The following MFSD11 variants were observed in gnomAD, a reference collection of about 807,000 sequenced individuals.
The protein encoded by MFSD11 is major facilitator superfamily domain containing 11.
In MFSD11, 36 loss-of-function variants were observed where a neutral mutation model predicts 53.5. The ratio of observed to expected loss-of-function variants is 0.67; its 90% CI spans 0.52 to 0.89. The LOEUF is 0.89. MFSD11 is among the 40% of genes least tolerant of loss of function. The probability of loss-of-function intolerance (pLI) is 0.00; values close to 1 mark genes in which losing one functional copy is unlikely to be tolerated. For missense variants in MFSD11, 530 were observed against 543.9 expected (o/e 0.97, Z 0.25); for synonymous variants, 186 against 184.9 (o/e 1.01, Z -0.05).
chr17:76,792,778 T>C, the MFSD11 span, among the ~76,000 whole-genome samples: 4 of 151,444 alleles, frequency 2.6e-5, no homozygotes, highest in Non-Finnish European at 5.9e-5. Context: ...AGTGGAAGAT[T>C]ATCAGGGAAC....
chr17:76,737,298 G>T (rs535772387), upstream of MFSD11: 78 of 1,214,374 alleles, frequency 6.4e-5, no homozygotes, highest in African/African-American at 9.0e-4. Context: ...CAGCACGGAC[G>T]GGCTCCGCAG....
intron 10 of MFSD11, 93 bp from the exon 11 acceptor site, chr17:76,774,904 A>G (rs563091474): frequency 1.0e-5 from 13 of 1,270,060 alleles, no homozygotes; most frequent in Non-Finnish European, 1.4e-5. Flanking sequence ...AACAAGTGAG[A>G]ATGTTTATTC....
intron 12 of MFSD11, 55 bp from the exon 13 acceptor site, chr17:76,778,131 CTG>C: frequency 2.5e-6 from 4 of 1,592,376 alleles, no homozygotes; most frequent in Non-Finnish European, 3.4e-6. Context: ...TAGGGGCTAA[CTG>C]TGGCTCAGTG....
chr17:76,742,467 A>G (rs2078181990), intron 5 of MFSD11, among the ~76,000 whole-genome samples, 194 bp downstream of exon 5: 1 of 151,876 alleles, frequency 6.6e-6, no homozygotes, highest in South Asian at 2.1e-4. Context: ...GCTACTCAGG[A>G]CTATTTATAC....
At position 76,740,652 on chromosome 17, in the gene MFSD11, A is replaced by G. The variant is rs552971667; in HGVS notation, c.153-305A>G. ...ACAATATCTTTCTCCTAGTGCTGTT[A>G]GGATTAGAAGAGAAAATCTGTATAA... On this transcript the variant is annotated intron_variant, in intron 2 of 12. Transcript: ENST00000685175. Among the ~76,000 whole-genome samples, 124 of 152,312 alleles carry G rather than the reference A, an allele frequency of 8.1e-4. 1 individual carries two copies. The highest frequency in any genetic ancestry group is 1.1e-3 in the Non-Finnish European group (77 of 68,034).
chr17:76,737,065 G>A (rs372496093), upstream of MFSD11: 44 of 1,613,162 alleles, frequency 2.7e-5, no homozygotes, highest in African/African-American at 4.4e-4. Context: ...TCTCGAAGAC[G>A]CGCCTCAGCG....
At chr17:76,787,192 G>A in the MFSD11 span, among the ~76,000 whole-genome samples, 1 of 150,564 alleles carries the variant, frequency 6.6e-6, no homozygotes, top group Non-Finnish European at 1.5e-5. Context: ...CTGGAGTGCG[G>A]TGGTGTGATC....
chr17:76,738,131 A>T lies in MFSD11; in HGVS notation c.-222A>T. 1 of 565,710 alleles carries T rather than the reference A, an allele frequency of 1.8e-6. No individual in the cohort carries two copies. The highest frequency in any genetic ancestry group is 3.4e-5 in the Admixed American group (1 of 29,632). 35.0% of individuals were successfully genotyped at this position (565,710 alleles called of 1,614,324 possible). A position where few individuals can be genotyped will look rare whatever the true frequency, so the allele number is the denominator to read the frequency against. Reference sequence around the variant, plus strand: ...TTCTCCGGGGGTTGTGCTCTTCCGTACTCGGATCGCTTCTTAGGAGTATCC... The same window carrying T: ...TTCTCCGGGGGTTGTGCTCTTCCGTTCTCGGATCGCTTCTTAGGAGTATCC... On this transcript the variant is annotated 5_prime_UTR_variant, in exon 1 of 13. Transcript: ENST00000685175.
At chr17:76,741,804 TAAG>T (rs2038221469) in intron 3 of MFSD11, 162 bp from the exon 4 acceptor site, 1 of 627,976 alleles carries the variant, frequency 1.6e-6, no homozygotes, top group Non-Finnish European at 2.0e-6. Context: ...ATTAATTAAT[TAAG>T]AAATGAGAAA....
chr17:76,790,388 C>A, the MFSD11 span, among the ~76,000 whole-genome samples: 1 of 146,598 alleles, frequency 6.8e-6, no homozygotes, highest in African/African-American at 2.5e-5. Context: ...GTTGCCCAGG[C>A]TGGAGGGCAG....
Position 76,775,131 on chromosome 17 carries a change from C to T in MFSD11, c.1009C>T (p.Pro337Ser), listed in dbSNP as rs140463423. The T allele has an allele frequency of 2.6e-4, 415 of 1,613,784 alleles. No homozygotes were observed. Among genetic ancestry groups the T allele is most frequent in the Non-Finnish European group, 3.3e-4 (391 of 1,179,920 alleles). ...CATGCCTGGAGATGCCCCGATTGCT[C>T]CTGTTAAAGGAACTGACAGCAGTGC... ...LNMPGDAPIA[P>S]VKGTDSSAYI... Residue 337 changes from proline to serine, a missense_variant, in exon 11 of 13, where the codon CCT becomes TCT. Physicochemically the swap from Pro to Ser is moderately conservative, Grantham distance 74. Transcript: ENST00000685175.
At chr17:76,744,196 A>G (rs1349737343) in intron 6 of MFSD11, 126 bp from the exon 7 acceptor site, 3 of 838,922 alleles carry the variant, frequency 3.6e-6, no homozygotes, top group Non-Finnish European at 5.2e-6. Context: ...CTAGGTTTTT[A>G]CTGATGCATT....
intron 8 of MFSD11, among the ~76,000 whole-genome samples, chr17:76,760,594 G>A (rs1178294784): frequency 6.6e-6 from 1 of 151,764 alleles, no homozygotes; most frequent in Non-Finnish European, 1.5e-5. Flanking sequence ...GCAGTGGCGC[G>A]ATCTCGGCTC....
chr17:76,750,337 A>G (rs2078946089), intron 7 of MFSD11, among the ~76,000 whole-genome samples: 1 of 150,890 alleles, frequency 6.6e-6, no homozygotes, highest in Non-Finnish European at 1.5e-5. Context: ...TGCTGGTTAG[A>G]GCACACTATT....
intron 12 of MFSD11, among the ~76,000 whole-genome samples, chr17:76,777,760 T>A (rs1272192329): frequency 6.6e-6 from 1 of 152,230 alleles, no homozygotes; most frequent in African/African-American, 2.4e-5. Flanking sequence ...ACCAGAATTC[T>A]ATTCATTTGT....
At chr17:76,783,816 G>A (rs1003466924), downstream of MFSD11, among the ~76,000 whole-genome samples, 2 of 151,968 alleles carry the variant, frequency 1.3e-5, no homozygotes, top group African/African-American at 4.8e-5. Flanking sequence ...TGCCTGCCTT[G>A]GCCTCCCAAA....
intron 8 of MFSD11, among the ~76,000 whole-genome samples, chr17:76,764,969 T>C (rs1400631347): frequency 6.6e-6 from 1 of 152,132 alleles, no homozygotes; most frequent in Non-Finnish European, 1.5e-5. Flanking sequence ...TCCCAACAGG[T>C]GTGAGGGGAT....
rs2080297699 is a variant in MFSD11, at chr17:76,761,963, TAATC to T, written c.683-5418_683-5415del. On this transcript the variant is annotated intron_variant, in intron 8 of 12. Transcript: ENST00000685175. ...TCATATACCATATGATTCACCCATT[TAATC>T]AATCTAAAGAATCCATTGCAAAGTC... Among the ~76,000 whole-genome samples the T allele has an allele frequency of 2.0e-5, 3 of 152,254 alleles. No homozygotes were observed. In the South Asian group the frequency reaches 6.2e-4, roughly 32 times the overall value.
intron 10 of MFSD11, 48 bp downstream of exon 10, chr17:76,769,919 A>C: frequency 2.6e-6 from 4 of 1,543,944 alleles, no homozygotes; most frequent in Non-Finnish European, 3.5e-6. Flanking sequence ...AGTTTATTAT[A>C]GGTAAAATAG....
Sources: gnomAD v4.1 joint callset for allele counts (sites outside exome capture counted in the v4.1 genomes callset) on GRCh38, gnomAD v4.1.1 for gene constraint, MANE v1.5 for transcripts, NCBI Gene and HGNC (gene_info 2026-07-23, HGNC 2026-07-21) for gene names.